Variants in ARHGEF10 observed in about 807,000 individuals in gnomAD.
The protein encoded by ARHGEF10 is Rho guanine nucleotide exchange factor (GEF) 10.
In ARHGEF10, 140 loss-of-function variants were observed where a neutral mutation model predicts 147.4. That is an observed-to-expected ratio of 0.95 (90% CI 0.83 to 1.09). ARHGEF10 has a LOEUF of 1.09. Ranked by LOEUF, ARHGEF10 falls within the 50% of genes least tolerant of loss-of-function variation. The pLI, the probability that ARHGEF10 is intolerant of heterozygous loss-of-function variation, is 0.00. For missense variants in ARHGEF10, 2,222 were observed against 1,752.7 expected, an observed-to-expected ratio of 1.27 and a Z score of -4.78; for synonymous variants, 902 against 695.8, an observed-to-expected ratio of 1.30 and a Z score of -4.67.
intron 13 of ARHGEF10, among the ~76,000 whole-genome samples, chr8:1,894,865 G>T (rs1317402859): frequency 6.6e-6 from 1 of 152,200 alleles, no homozygotes; most frequent in East Asian, 1.9e-4. Context: ...CCCATTAGAC[G>T]ATTTGCTGAA....
In ARHGEF10 at chr8:1,920,640, A is replaced by G. The variant is rs539449641; in HGVS notation, c.2144-2324A>G. ...ACCACAACCAGCCTATACTTGTGTT[A>G]CAAGGTTGTGTTTATAGAGTTTATC... On this transcript the variant is annotated intron_variant, in intron 18 of 28. Coordinates refer to ENST00000349830, the MANE Select transcript of ARHGEF10 (RefSeq NM_014629.4). Among the ~76,000 whole-genome samples, 249 of 152,322 alleles carry G rather than the reference A, an allele frequency of 1.6e-3. 1 individual carries two copies. Among genetic ancestry groups the G allele is most frequent in the Non-Finnish European group, 3.2e-3 (217 of 68,040 alleles).
At chr8:1,829,011 G>T (rs960711457) in intron 1 of ARHGEF10, among the ~76,000 whole-genome samples, 1 of 152,250 alleles carries the variant, frequency 6.6e-6, no homozygotes, top group Non-Finnish European at 1.5e-5. Flanking sequence ...TATTCAGTGC[G>T]TATCTGAGCG....
chr8:1,896,366 G>A lies in ARHGEF10; in HGVS notation c.1474G>A (p.Glu492Lys), dbSNP rs1809970682. 2 of 1,613,998 alleles carry A rather than the reference G, an allele frequency of 1.2e-6. No individual in the cohort carries two copies. Among genetic ancestry groups the A allele is most frequent in the African/African-American group, 1.3e-5 (1 of 75,018 alleles). Reference protein sequence around the residue: ...SKSMVLDAYSEYVNNFSTAVA... With the variant: ...SKSMVLDAYSKYVNNFSTAVA... ...GTCCATGGTGCTGGATGCATACAGT[G>A]AATATGTGAACAATTTCAGCACAGC... The change falls in exon 14 of 29, where the codon GAA becomes AAA. Residue 492 changes from glutamate to lysine, a missense_variant. Physicochemically the swap from Glu to Lys is moderately conservative, Grantham distance 56. Coordinates refer to ENST00000349830, the MANE Select transcript of ARHGEF10 (RefSeq NM_014629.4).
chr8:1,856,084 A>G (rs114164287), intron 2 of ARHGEF10, among the ~76,000 whole-genome samples: 267 of 152,330 alleles, frequency 1.8e-3, no homozygotes, highest in African/African-American at 6.1e-3. Flanking sequence ...TTAGGCTTAA[A>G]TTCAAAACTT....
At chr8:1,837,275 C>A (rs1470084492) in intron 1 of ARHGEF10, among the ~76,000 whole-genome samples, 1 of 143,574 alleles carries the variant, frequency 7.0e-6, no homozygotes, top group Non-Finnish European at 1.5e-5. Flanking sequence ...CGGGGGCATG[C>A]TCTCTGCACA....
chr8:1,886,842 C>T (rs1385744756), intron 11 of ARHGEF10, among the ~76,000 whole-genome samples: 1 of 152,210 alleles, frequency 6.6e-6, no homozygotes, highest in East Asian at 1.9e-4. Context: ...TGTCTGATCT[C>T]AGTCTCTCCC....
At position 1,860,084 on chromosome 8, in the gene ARHGEF10, G is replaced by A. The variant is rs771008618; in HGVS notation, c.381G>A (p.Val127=). Residue 127 remains valine (V), a synonymous_variant, in exon 4 of 29, where the codon GTG becomes GTA. Coordinates refer to ENST00000349830, the MANE Select transcript of ARHGEF10 (RefSeq NM_014629.4). ...TCCATGTGCCCTGCGGGTACTTGGT[G>A]CCTGTACCCTGCGGCTATGCGGTGC... The part of the protein sequence containing the change: ...VGLHVPCGYL[V]PVPCGYAVPS... 12 of 1,614,080 alleles carry A rather than the reference G, an allele frequency of 7.4e-6. No homozygotes were observed. Among genetic ancestry groups the A allele is most frequent in the South Asian group, 1.1e-5 (1 of 91,082 alleles).
At chr8:1,908,361 G>C (rs4876275) in intron 17 of ARHGEF10, among the ~76,000 whole-genome samples, 2 of 150,762 alleles carry the variant, frequency 1.3e-5, no homozygotes, top group African/African-American at 2.4e-5. Context: ...CTCCCTAGTA[G>C]CTGGGACTAC....
chr8:1,947,618 G>A lies in ARHGEF10; in HGVS notation c.3397+1963G>A, dbSNP rs201986175. 2.1e-3 allele frequency among the ~76,000 whole-genome samples: 273 copies of A among 132,612 alleles called. 2 individuals carry two copies. The East Asian group carries it at 0.045, about 22-fold the overall frequency. 87.0% of individuals were successfully genotyped at this position (132,612 alleles called of 152,430 possible). On this transcript the variant is annotated intron_variant, in intron 27 of 28. Coordinates refer to ENST00000349830, the MANE Select transcript of ARHGEF10 (RefSeq NM_014629.4). ...CTGCGCTCTGGGGACTCACAGCCCC[G>A]CCCCCATCCCAGCACCCCACCCACT...
chr8:1,880,187 T>A, intron 9 of ARHGEF10, 23 bp downstream of exon 9: 1 of 1,531,092 alleles, frequency 6.5e-7, no homozygotes, highest in Non-Finnish European at 9.0e-7. Flanking sequence ...CCCCGGCCGC[T>A]GCCCCCACTT....
chr8:1,830,766 A>C (rs112581838), intron 1 of ARHGEF10, among the ~76,000 whole-genome samples: 1,938 of 152,262 alleles, frequency 0.013, 46 homozygotes, highest in African/African-American at 0.044. Flanking sequence ...CGGGGCTACA[A>C]GGTGGAGAAA....
chr8:1,904,364 A>C (rs1199228151), intron 16 of ARHGEF10: 3 of 152,236 alleles, frequency 2.0e-5, no homozygotes, highest in Non-Finnish European at 4.4e-5. Context: ...ATTATTGCTA[A>C]AAATCATTAT....
Position 1,945,672 on chromosome 8 carries a change from G to A in ARHGEF10, c.3397+17G>A, listed in dbSNP as rs1563325148. ...TGCTGCCAGGTAAGGGGACGGGACGGGGCCCAGGGATGGGACAGCAACCGG... is the reference window on the plus strand; with the variant it reads ...TGCTGCCAGGTAAGGGGACGGGACGAGGCCCAGGGATGGGACAGCAACCGG... On this transcript the variant is annotated intron_variant, in intron 27 of 28. Transcript: ENST00000349830. 2 of 1,613,876 alleles carry A rather than the reference G, an allele frequency of 1.2e-6. No individual in the cohort carries two copies. The highest frequency in any genetic ancestry group is 2.2e-5 in the South Asian group (2 of 91,050).
upstream of ARHGEF10, among the ~76,000 whole-genome samples, chr8:1,823,449 T>TGG (rs1180908395): frequency 6.7e-6 from 1 of 149,028 alleles, no homozygotes; most frequent in Non-Finnish European, 1.5e-5. Context: ...GGCGATGTTC[T>TGG]GGGGGGGGGA....
Position 1,957,098 on chromosome 8 carries a change from G to C in ARHGEF10, c.3870G>C (p.Ser1290=), listed in dbSNP as rs368413724. 1 of 1,613,322 alleles carries C rather than the reference G, an allele frequency of 6.2e-7. No homozygotes were observed. Among genetic ancestry groups the C allele is most frequent in the Non-Finnish European group, 8.5e-7 (1 of 1,180,042 alleles). Residue 1290 remains serine, a synonymous_variant, in exon 29 of 29, where the codon TCG becomes TCC. Transcript: ENST00000349830. ...TIYDLLKDPV[S]LRSKARRAKK... is the part of the protein sequence containing the mutation. ...ATGATCTCCTGAAGGATCCTGTCTC[G>C]CTGAGAAGCAAAGCACGCCGGGCCA... is the stretch of plus-strand genomic sequence containing the variant.
At chr8:1,823,682 G>A (rs891753670), upstream of ARHGEF10, among the ~76,000 whole-genome samples, 7 of 151,574 alleles carry the variant, frequency 4.6e-5, no homozygotes, top group African/African-American at 1.7e-4. Flanking sequence ...CCCGGGGTCC[G>A]CGGGGCAGGA....
At chr8:1,878,755 G>C (rs1807919659) in intron 8 of ARHGEF10, among the ~76,000 whole-genome samples, 1 of 152,198 alleles carries the variant, frequency 6.6e-6, no homozygotes, top group Admixed American at 6.5e-5. Flanking sequence ...CCTTGCTTTG[G>C]AGCGGGCCCG....
chr8:1,877,528 G>A (rs1205278207), intron 8 of ARHGEF10, among the ~76,000 whole-genome samples: 3 of 152,132 alleles, frequency 2.0e-5, no homozygotes, highest in South Asian at 2.1e-4. Context: ...ACACCCAGCC[G>A]GATGATCCTT....
At position 1,933,834 on chromosome 8, in the gene ARHGEF10, C is replaced by A. The variant is rs767004640; in HGVS notation, c.3114C>A (p.Ile1038=). 1.9e-6 allele frequency: 3 copies of A among 1,614,064 alleles called. No homozygotes were observed. The highest frequency in any genetic ancestry group is 1.7e-6 in the Non-Finnish European group (2 of 1,180,032). ...GGGATTCAGAACCTCAAAAAGTGAT[C>A]AAGTTAGGCGTCCTACCAGTTAGAA... ...GSWDSEPQKV[I]KLGVLPVRSL... Residue 1038 remains isoleucine (I), a synonymous_variant, in exon 26 of 29, where the codon ATC becomes ATA. Transcript: ENST00000349830.
Sources: allele counts gnomAD v4.1 joint callset (sites outside exome capture counted in the v4.1 genomes callset), GRCh38; gene constraint gnomAD v4.1.1; transcripts MANE v1.5; gene names NCBI Gene and HGNC (gene_info 2026-07-23, HGNC 2026-07-21).